SIK3: variants seen among roughly 807,000 people sequenced by gnomAD.
SIK3 encodes the protein serine/threonine-protein kinase SIK3.
A neutral mutation model predicts 144.2 loss-of-function variants in SIK3; 28 were observed. The observed-to-expected ratio is 0.19, with a 90% CI of 0.14 to 0.27. The LOEUF (loss-of-function observed/expected upper bound fraction) is 0.27. Ranked by LOEUF, SIK3 falls within the 10% of genes least tolerant of loss-of-function variation. The pLI is 1.00. For synonymous variants in SIK3, 686 were observed against 676.3 expected (o/e 1.01, Z -0.22); for missense variants, 1,319 against 1,776.0 (o/e 0.74, Z 4.62).
chr11:117,089,362 GC>G (rs1481148807), intron 1 of SIK3, among the ~76,000 whole-genome samples: 1 of 149,932 alleles, frequency 6.7e-6, no homozygotes, highest in Non-Finnish European at 1.5e-5. Flanking sequence ...AGCCAAGATC[GC>G]GCCACTGCAC....
rs1945112082 is a variant in SIK3 at position 116,891,571 on chromosome 11, C to CT, written c.865+4681dup. 3.3e-5 allele frequency among the ~76,000 whole-genome samples: 5 copies of CT among 152,220 alleles called. No individual in the cohort carries two copies. The South Asian group carries it at 1.0e-3, about 32-fold the overall frequency. On this transcript the variant is annotated intron_variant, in intron 6 of 24. Coordinates refer to ENST00000445177, the MANE Select transcript of SIK3 (RefSeq NM_001366686.3). Reference sequence around the variant, plus strand: ...TGTTTGTAAGCCAATGCTTTGCCACCTTATGGAGTAAACTTTACCTTAGAG... The same window carrying CT: ...TGTTTGTAAGCCAATGCTTTGCCACCTTTATGGAGTAAACTTTACCTTAGAG...
chr11:116,945,404 TA>T (rs1555106746), intron 3 of SIK3, among the ~76,000 whole-genome samples: 2 of 138,830 alleles, frequency 1.4e-5, no homozygotes, highest in African/African-American at 5.5e-5. Context: ...TTTTTTTTTT[TA>T]AATAACAGAG....
intron 22 of SIK3, 29 bp from the exon 23 acceptor site, chr11:116,847,637 A>G (rs755201531): frequency 1.2e-6 from 2 of 1,613,444 alleles, no homozygotes; most frequent in East Asian, 4.5e-5. Context: ...AGAAGAAATA[A>G]GCACACAAGA....
intron 1 of SIK3, among the ~76,000 whole-genome samples, chr11:116,963,494 T>C (rs1014427523): frequency 3.3e-5 from 5 of 152,196 alleles, no homozygotes; most frequent in Admixed American, 2.0e-4. Flanking sequence ...GCATCATACA[T>C]AGCATAGTCT....
chr11:117,074,960 T>C (rs953087448), intron 1 of SIK3, among the ~76,000 whole-genome samples: 1 of 151,564 alleles, frequency 6.6e-6, no homozygotes, highest in Non-Finnish European at 1.5e-5. Context: ...AAATGAAATA[T>C]CTAAAAAATA....
At chr11:117,013,915 G>GGGGGGGGGGTGTGTGT (rs1206309055) in intron 1 of SIK3, among the ~76,000 whole-genome samples, 1 of 23,616 alleles carries the variant, frequency 4.2e-5, no homozygotes, top group Non-Finnish European at 1.3e-4. Flanking sequence ...GGGGGGGGAG[G>GGGGGGGGGGTGTGTGT]GTGTGTGTGT....
At chr11:116,902,192 T>G (rs1200276032) in intron 4 of SIK3, among the ~76,000 whole-genome samples, 2 of 152,144 alleles carry the variant, frequency 1.3e-5, no homozygotes, top group African/African-American at 4.8e-5. Context: ...TTTGTTTGTG[T>G]TTTCAATGGA....
At chr11:116,898,391 T>C (rs1266499548) in intron 4 of SIK3, among the ~76,000 whole-genome samples, 1 of 151,848 alleles carries the variant, frequency 6.6e-6, no homozygotes, top group Non-Finnish European at 1.5e-5. Flanking sequence ...ACATTTGGGT[T>C]GGTTCCAAGT....
At chr11:116,847,414 G>T in intron 23 of SIK3, 62 bp downstream of exon 23, 1 of 1,607,826 alleles carries the variant, frequency 6.2e-7, no homozygotes, top group South Asian at 1.1e-5. Context: ...AGCAGTTACG[G>T]AAGATGGAGG....
intron 21 of SIK3, among the ~76,000 whole-genome samples, chr11:116,856,335 C>T (rs571430326): frequency 6.6e-6 from 1 of 152,264 alleles, no homozygotes; most frequent in South Asian, 2.1e-4. Context: ...TGTTAGAAAG[C>T]TCCCAGGCTG....
intron 1 of SIK3, among the ~76,000 whole-genome samples, chr11:117,074,326 C>T (rs1252014024): frequency 2.0e-5 from 3 of 152,034 alleles, no homozygotes; most frequent in Admixed American, 1.3e-4. Context: ...TCTTATTTTC[C>T]CACCCCCACT....
intron 3 of SIK3, among the ~76,000 whole-genome samples, chr11:116,932,020 C>A (rs1419859882): frequency 1.3e-5 from 2 of 152,166 alleles, no homozygotes; most frequent in African/African-American, 4.8e-5. Context: ...CTCCATTGAC[C>A]AGGCCAAAAA....
At chr11:116,999,939 A>G (rs1303510198) in intron 1 of SIK3, among the ~76,000 whole-genome samples, 1 of 152,208 alleles carries the variant, frequency 6.6e-6, no homozygotes, top group Non-Finnish European at 1.5e-5. Context: ...CCTAGTCCCC[A>G]AATCCCAGAG....
intron 16 of SIK3, among the ~76,000 whole-genome samples, chr11:116,862,920 C>T (rs1943429164): frequency 6.6e-6 from 1 of 152,018 alleles, no homozygotes; most frequent in South Asian, 2.1e-4. Flanking sequence ...ACTAAAAATA[C>T]AAAAATTAGC....
In SIK3 at chr11:116,875,369, C is replaced by T. The variant is rs1283104382; in HGVS notation, c.1317+5G>A. ...AGCTGACAGCTCCCACAGGTTGCTA[C>T]TTGCCTCCACAATTTGGTTCTCTGG... On this transcript the variant is annotated splice_donor_5th_base_variant and intron_variant, in intron 10 of 24. Coordinates refer to ENST00000445177, the MANE Select transcript of SIK3 (RefSeq NM_001366686.3). 6.2e-7 allele frequency: 1 copy of T among 1,614,202 alleles called. No individual in the cohort carries two copies. Among genetic ancestry groups the T allele is most frequent in the Non-Finnish European group, 8.5e-7 (1 of 1,180,028 alleles).
chr11:116,882,150 C>T (rs1013289783), intron 6 of SIK3, among the ~76,000 whole-genome samples: 1 of 152,010 alleles, frequency 6.6e-6, no homozygotes, highest in African/African-American at 2.4e-5. Context: ...ACAAAATGGG[C>T]CAGGCAAATA....
At chr11:116,936,619 C>T (rs1026376012) in intron 3 of SIK3, among the ~76,000 whole-genome samples, 2 of 152,214 alleles carry the variant, frequency 1.3e-5, no homozygotes, top group Admixed American at 1.3e-4. Flanking sequence ...CAATTACTTA[C>T]AAAATACGCT....
chr11:116,881,335 C>T (rs995628969), intron 6 of SIK3, among the ~76,000 whole-genome samples: 8 of 152,120 alleles, frequency 5.3e-5, no homozygotes, highest in African/African-American at 1.2e-4. Flanking sequence ...AAGCGGTCTC[C>T]GCAGTGAGAG....
At chr11:116,871,287 TACAAAACAAA>T (rs10658918) in intron 13 of SIK3, among the ~76,000 whole-genome samples, 7 of 152,050 alleles carry the variant, frequency 4.6e-5, no homozygotes, top group Non-Finnish European at 1.0e-4. Flanking sequence ...AATGGCTAAT[TACAAAACAAA>T]ACAAAACAAA....
Sources: gnomAD v4.1 joint callset for allele counts (sites outside exome capture counted in the v4.1 genomes callset) on GRCh38, gnomAD v4.1.1 for gene constraint, MANE v1.5 for transcripts, NCBI Gene and HGNC (gene_info 2026-07-23, HGNC 2026-07-21) for gene names.